TLR2: variants seen among roughly 807,000 people sequenced by gnomAD.
TLR2 encodes the protein toll like receptor 2.
A neutral mutation model predicts 9.1 loss-of-function variants in TLR2; 7 were observed. The observed-to-expected ratio is 0.77, with a 90% CI of 0.44 to 1.44. TLR2 has a LOEUF of 1.44. Ranked by LOEUF, TLR2 falls within the 40% of genes most tolerant of loss-of-function variation. The pLI, the probability that TLR2 is intolerant of heterozygous loss-of-function variation, is 0.01. For synonymous variants in TLR2, 317 were observed against 344.6 expected (o/e 0.92, Z 0.89); for missense variants, 812 against 904.6 (o/e 0.90, Z 1.31).
chr4:153,700,258 C>T lies in TLR2; in HGVS notation c.-16-2634C>T, dbSNP rs77726823. 5.3e-3 allele frequency among the ~76,000 whole-genome samples: 814 copies of T among 152,284 alleles called. 16 individuals carry two copies. In the East Asian group the frequency reaches 0.057, roughly 11 times the overall value. ...AGGTCCTACCTTCAACACTGGGGATCACATTTCAACATGAGATTTGGAGAG... is the reference window on the plus strand; with the variant it reads ...AGGTCCTACCTTCAACACTGGGGATTACATTTCAACATGAGATTTGGAGAG... On this transcript the variant is annotated intron_variant, in intron 2 of 2. Transcript: ENST00000642700.
intron 1 of TLR2, among the ~76,000 whole-genome samples, chr4:153,686,589 G>A (rs1735720877): frequency 6.6e-6 from 1 of 151,884 alleles, no homozygotes; most frequent in Non-Finnish European, 1.5e-5. Flanking sequence ...ATAGAATTAG[G>A]AAAAAAATCA....
At chr4:153,684,885 A>G (rs1202148545) in intron 1 of TLR2, among the ~76,000 whole-genome samples, 1 of 150,556 alleles carries the variant, frequency 6.6e-6, no homozygotes, top group Admixed American at 6.6e-5. Flanking sequence ...GATTCCCGGT[A>G]GGGTCGCTCT....
chr4:153,694,852 C>T (rs183212182), intron 2 of TLR2, among the ~76,000 whole-genome samples: 70 of 152,280 alleles, frequency 4.6e-4, no homozygotes, highest in African/African-American at 1.5e-3. Flanking sequence ...CTCTGTTAAC[C>T]ATCATTCTAC....
chr4:153,696,559 A>G (rs74341183), intron 2 of TLR2, among the ~76,000 whole-genome samples: 13,699 of 152,244 alleles, frequency 0.09, 801 homozygotes, highest in Non-Finnish European at 0.12. Flanking sequence ...GTATACTACA[A>G]TTTCACTGAA....
At chr4:153,709,514 A>G (rs1175052016), downstream of TLR2, among the ~76,000 whole-genome samples, 1 of 152,176 alleles carries the variant, frequency 6.6e-6, no homozygotes, top group Admixed American at 6.5e-5. Context: ...TTACTCTTTC[A>G]GCAAATATTT....
At chr4:153,695,877 G>C (rs1477532532) in intron 2 of TLR2, among the ~76,000 whole-genome samples, 1 of 152,054 alleles carries the variant, frequency 6.6e-6, no homozygotes, top group Non-Finnish European at 1.5e-5. Context: ...TAGGGGTCTA[G>C]TTTCTTCCGC....
downstream of TLR2, among the ~76,000 whole-genome samples, chr4:153,708,450 G>A (rs886252293): frequency 6.6e-6 from 1 of 152,178 alleles, no homozygotes; most frequent in Non-Finnish European, 1.5e-5. Context: ...TATATAGTAA[G>A]TATTGAATTA....
Position 153,703,770 on chromosome 4 carries a change from C to A in TLR2, c.863C>A (p.Thr288Asn). The change falls in exon 3 of 3, where the codon ACC becomes AAC. Residue 288 changes from threonine to asparagine, a missense_variant. Transcript: ENST00000642700. ...TTAGAATTAGAGTTTGATGACTGTA[C>A]CCTTAATGGAGTTGGTAATTTTAGA... Reference protein sequence around the residue: ...GLLELEFDDCTLNGVGNFRAS... With the variant: ...GLLELEFDDCNLNGVGNFRAS... 6.2e-7 allele frequency: 1 copy of A among 1,613,846 alleles called. No homozygotes were observed.
chr4:153,704,438 A>G lies in TLR2; in HGVS notation c.1531A>G (p.Ile511Val), dbSNP rs763872313. ...LLVLKISRNA[I>V]TTFSKEQLDS... ...AGTATTGAAAATCAGTAGGAATGCA[A>G]TAACTACGTTTTCTAAGGAGCAACT... is the stretch of plus-strand genomic sequence containing the variant. The change falls in exon 3 of 3, where the codon ATA (isoleucine) becomes GTA (valine). Residue 511 changes from isoleucine to valine, a missense_variant. Ile to Val is a conservative substitution (Grantham distance 29). Coordinates refer to ENST00000642700, the MANE Select transcript of TLR2 (RefSeq NM_001318789.2). The G allele has an allele frequency of 1.2e-6, 2 of 1,614,180 alleles. No individual in the cohort carries two copies. Among genetic ancestry groups the G allele is most frequent in the Non-Finnish European group, 1.7e-6 (2 of 1,180,034 alleles).
chr4:153,698,437 G>C (rs1736655423), intron 2 of TLR2, among the ~76,000 whole-genome samples: 1 of 152,082 alleles, frequency 6.6e-6, no homozygotes, highest in African/African-American at 2.4e-5. Context: ...AAACAAAACT[G>C]ATATTTAAAA....
chr4:153,704,614 T>C lies in TLR2; in HGVS notation c.1707T>C (p.His569=), dbSNP rs1560754523. 2.1e-5 allele frequency: 34 copies of C among 1,613,438 alleles called. No homozygotes were observed. The highest frequency in any genetic ancestry group is 2.8e-5 in the Non-Finnish European group (33 of 1,179,936). ...ATTACCTGTGTGACTCTCCATCCCA[T>C]GTGCGTGGCCAGCAGGTTCAGGATG... is the stretch of plus-strand genomic sequence containing the variant. ...PANYLCDSPS[H]VRGQQVQDVR... Residue 569 remains histidine (H), a synonymous_variant, in exon 3 of 3, where the codon CAT becomes CAC. Transcript: ENST00000642700.
chr4:153,701,085 CTA>C (rs1210758318), intron 2 of TLR2, among the ~76,000 whole-genome samples: 1 of 152,176 alleles, frequency 6.6e-6, no homozygotes, highest in African/African-American at 2.4e-5. Context: ...AGAAAACTCA[CTA>C]TTAAAATATA....
chr4:153,697,205 A>G (rs1299025641), intron 2 of TLR2, among the ~76,000 whole-genome samples: 2 of 152,224 alleles, frequency 1.3e-5, no homozygotes, highest in African/African-American at 2.4e-5. Context: ...AAAATTGAGC[A>G]TGAATATCAA....
intron 2 of TLR2, among the ~76,000 whole-genome samples, chr4:153,695,070 G>A (rs887235724): frequency 2.0e-5 from 3 of 152,116 alleles, no homozygotes; most frequent in African/African-American, 7.2e-5. Flanking sequence ...ATCCATTCAT[G>A]TGTAGGTGGA....
intron 2 of TLR2, among the ~76,000 whole-genome samples, chr4:153,701,344 G>A (rs1272079235): frequency 3.3e-5 from 5 of 152,142 alleles, no homozygotes; most frequent in African/African-American, 7.2e-5. Flanking sequence ...TCTCCCATGT[G>A]AGGACACAGC....
intron 2 of TLR2, chr4:153,702,681 G>GCATA: frequency 1.9e-6 from 1 of 535,466 alleles, no homozygotes; most frequent in Non-Finnish European, 3.3e-6. Flanking sequence ...GTCTGTGTTA[G>GCATA]CATTGCTGAA....
chr4:153,703,331 A>G lies in TLR2; in HGVS notation c.424A>G (p.Thr142Ala), dbSNP rs760867997. 6.2e-6 allele frequency: 10 copies of G among 1,613,694 alleles called. No individual in the cohort carries two copies. In the African/African-American group the frequency reaches 1.1e-4, roughly 17 times the overall value. The change falls in exon 3 of 3, where the codon ACA becomes GCA. Residue 142 changes from threonine (T) to alanine (A), a missense_variant. Coordinates refer to ENST00000642700, the MANE Select transcript of TLR2 (RefSeq NM_001318789.2). ...LGNPYKTLGE[T>A]SLFSHLTKLQ... is the part of the protein sequence containing the mutation. ...AAATCCTTACAAAACCCTAGGGGAA[A>G]CATCTCTTTTTTCTCATCTCACAAA...
chr4:153,697,467 G>T (rs1184077199), intron 2 of TLR2, among the ~76,000 whole-genome samples: 1 of 152,008 alleles, frequency 6.6e-6, no homozygotes, highest in African/African-American at 2.4e-5. Flanking sequence ...ACAATTATGT[G>T]GCTTTCTTTA....
chr4:153,696,021 C>G (rs927924594), intron 2 of TLR2, among the ~76,000 whole-genome samples: 2 of 151,988 alleles, frequency 1.3e-5, no homozygotes, highest in African/African-American at 2.4e-5. Context: ...CTATTCTGTT[C>G]TGTTGTTCTG....
Sources: gnomAD v4.1 joint callset for allele counts (sites outside exome capture counted in the v4.1 genomes callset) on GRCh38, gnomAD v4.1.1 for gene constraint, MANE v1.5 for transcripts, NCBI Gene and HGNC (gene_info 2026-07-23, HGNC 2026-07-21) for gene names.